The following ERC2 variants were observed in gnomAD, a reference collection of about 807,000 sequenced individuals.
The protein encoded by ERC2 is ERC protein 2.
A neutral mutation model predicts 114.8 loss-of-function variants in ERC2; 42 were observed. The observed-to-expected ratio is 0.37, with a 90% CI of 0.29 to 0.47. ERC2 has a LOEUF of 0.47. ERC2 is among the 20% of genes least tolerant of loss of function. The pLI, the probability that ERC2 is intolerant of heterozygous loss-of-function variation, is 0.99. For synonymous variants in ERC2, 454 were observed against 425.5 expected, an observed-to-expected ratio of 1.07 and a Z score of -0.82; for missense variants, 939 against 1,150.7, an observed-to-expected ratio of 0.82 and a Z score of 2.66.
intron 17 of ERC2, among the ~76,000 whole-genome samples, chr3:55,548,723 A>T (rs76328984): frequency 0.037 from 5,620 of 152,228 alleles, 259 homozygotes; most frequent in African/African-American, 0.1. Context: ...TTTCTACTTT[A>T]ATAACGTGGG....
intron 2 of ERC2, among the ~76,000 whole-genome samples, chr3:56,305,864 T>TG (rs879486831): frequency 0.016 from 2,418 of 151,808 alleles, 16 homozygotes; most frequent in South Asian, 0.023. Context: ...TTTGTTTGTT[T>TG]TTTTGAGACA....
intron 3 of ERC2, among the ~76,000 whole-genome samples, chr3:56,184,252 G>A (rs1243329921): frequency 6.6e-6 from 1 of 152,080 alleles, no homozygotes; most frequent in African/African-American, 2.4e-5. Flanking sequence ...TGTTAGCAAT[G>A]TCATAGGGAG....
At chr3:56,046,958 G>T (rs141435285) in intron 7 of ERC2, among the ~76,000 whole-genome samples, 1 of 152,134 alleles carries the variant, frequency 6.6e-6, no homozygotes, top group African/African-American at 2.4e-5. Context: ...GATTCATTCC[G>T]CTAGTGGAAA....
At chr3:56,009,374 G>T (rs767299561) in intron 9 of ERC2, among the ~76,000 whole-genome samples, 4 of 152,116 alleles carry the variant, frequency 2.6e-5, no homozygotes, top group Admixed American at 6.6e-5. Context: ...AAAGCAAGTA[G>T]GTTTAAATTT....
At chr3:56,425,395 T>C (rs1292879473) in intron 2 of ERC2, among the ~76,000 whole-genome samples, 1 of 151,728 alleles carries the variant, frequency 6.6e-6, no homozygotes, top group Non-Finnish European at 1.5e-5. Flanking sequence ...AAAATGAGGG[T>C]CACACATAGA....
intron 3 of ERC2, among the ~76,000 whole-genome samples, chr3:56,276,137 C>T (rs747536771): frequency 1.3e-5 from 2 of 152,144 alleles, no homozygotes; most frequent in Non-Finnish European, 2.9e-5. Context: ...AGTTTAATTT[C>T]CTCACAAATA....
intron 2 of ERC2, among the ~76,000 whole-genome samples, chr3:56,381,764 G>GT (rs1266086481): frequency 1.3e-5 from 2 of 151,752 alleles, no homozygotes; most frequent in Non-Finnish European, 2.9e-5. Flanking sequence ...AGAAAAAAAG[G>GT]GGGGGGTGGA....
At chr3:56,282,678 GTGCTGCTGC>G (rs57092549) in intron 3 of ERC2, among the ~76,000 whole-genome samples, 4 of 151,102 alleles carry the variant, frequency 2.6e-5, no homozygotes, top group Non-Finnish European at 5.9e-5. Context: ...TCTAACAGTG[GTGCTGCTGC>G]TGCTGCTGCT....
chr3:56,440,780 TAA>T (rs536369374), intron 1 of ERC2, among the ~76,000 whole-genome samples: 11 of 152,316 alleles, frequency 7.2e-5, no homozygotes, highest in South Asian at 2.1e-4. Flanking sequence ...AGACTATATA[TAA>T]GTCTTGTATT....
At chr3:56,289,242 C>T (rs73832571) in intron 3 of ERC2, among the ~76,000 whole-genome samples, 2,796 of 152,276 alleles carry the variant, frequency 0.018, 93 homozygotes, top group African/African-American at 0.061. Flanking sequence ...CCTCAAATCT[C>T]CCAGCACTCA....
chr3:55,992,686 C>T (rs2071176560), intron 10 of ERC2, among the ~76,000 whole-genome samples: 1 of 152,042 alleles, frequency 6.6e-6, no homozygotes, highest in South Asian at 2.1e-4. Flanking sequence ...GATTATTTTC[C>T]AAGAACTATC....
At chr3:56,160,364 T>C (rs1254025241) in intron 4 of ERC2, among the ~76,000 whole-genome samples, 2 of 152,198 alleles carry the variant, frequency 1.3e-5, no homozygotes, top group Non-Finnish European at 2.9e-5. Flanking sequence ...TCCTGATAGA[T>C]TCTGGATATT....
chr3:55,561,428 C>T (rs1234340011), intron 17 of ERC2, among the ~76,000 whole-genome samples: 2 of 152,198 alleles, frequency 1.3e-5, no homozygotes, highest in Non-Finnish European at 2.9e-5. Flanking sequence ...ACTTGGCAAA[C>T]GGGGCTCCAA....
At chr3:55,791,564 A>T (rs1005678133) in intron 14 of ERC2, among the ~76,000 whole-genome samples, 12 of 152,220 alleles carry the variant, frequency 7.9e-5, no homozygotes, top group African/African-American at 2.9e-4. Context: ...AGGTCAAGCT[A>T]AAATCAAATG....
chr3:55,776,914 C>T (rs745657032), intron 14 of ERC2, among the ~76,000 whole-genome samples: 31 of 152,116 alleles, frequency 2.0e-4, no homozygotes, highest in Non-Finnish European at 3.8e-4. Context: ...GAATGTGATT[C>T]CATTTGGCTG....
intron 12 of ERC2, among the ~76,000 whole-genome samples, chr3:55,953,130 G>A (rs1024413394): frequency 7.9e-5 from 12 of 151,698 alleles, no homozygotes; most frequent in South Asian, 2.1e-4. Context: ...GCGTGAACCC[G>A]GGAGGCACAG....
At chr3:55,988,295 C>G (rs1330371152) in intron 11 of ERC2, among the ~76,000 whole-genome samples, 1 of 152,180 alleles carries the variant, frequency 6.6e-6, no homozygotes, top group Non-Finnish European at 1.5e-5. Context: ...TCAAGGCCCA[C>G]CACCCACCTA....
In ERC2 at chr3:55,549,851, G is replaced by A. The variant is rs185978226; in HGVS notation, c.*40-38575C>T. Among the ~76,000 whole-genome samples, 3 of 151,884 alleles carry A rather than the reference G, an allele frequency of 2.0e-5. No individual in the cohort carries two copies. The East Asian group carries it at 5.8e-4, about 30-fold the overall frequency. Reference sequence around the variant, plus strand: ...TTTGGTAGTGAGGATGGTAAAAACAGCAACAGCAGCTGCTTCTGGTCACCA... The same window carrying A: ...TTTGGTAGTGAGGATGGTAAAAACAACAACAGCAGCTGCTTCTGGTCACCA... On this transcript the variant is annotated intron_variant, in intron 17 of 17. Coordinates refer to ENST00000288221, the MANE Select transcript of ERC2 (RefSeq NM_015576.3).
intron 17 of ERC2, among the ~76,000 whole-genome samples, chr3:55,623,427 T>A (rs779159685): frequency 2.0e-5 from 3 of 152,214 alleles, no homozygotes; most frequent in Non-Finnish European, 4.4e-5. Context: ...AATCAGTATG[T>A]CAGTATGTTC....
Sources: gnomAD v4.1 joint callset for allele counts (sites outside exome capture counted in the v4.1 genomes callset) on GRCh38, gnomAD v4.1.1 for gene constraint, MANE v1.5 for transcripts, NCBI Gene and HGNC (gene_info 2026-07-23, HGNC 2026-07-21) for gene names.